ADGRL2: variants seen among roughly 807,000 people sequenced by gnomAD.
ADGRL2 encodes calcium-independent alpha-latrotoxin receptor 2.
Under a neutral mutation model 157.4 loss-of-function variants are expected in ADGRL2, and 44 were observed. That is an observed-to-expected ratio of 0.28 (90% CI 0.22 to 0.36). The LOEUF is 0.36. Ranked by LOEUF, ADGRL2 falls within the 10% of genes least tolerant of loss-of-function variation. The pLI is 1.00. For missense variants in ADGRL2, 1,510 were observed against 1,768.9 expected (o/e 0.85, Z 2.63); for synonymous variants, 585 against 624.7 (o/e 0.94, Z 0.95).
intron 3 of ADGRL2, among the ~76,000 whole-genome samples, chr1:81,631,373 C>T (rs1419361536): frequency 6.6e-6 from 1 of 152,062 alleles, no homozygotes; most frequent in Non-Finnish European, 1.5e-5. Context: ...TGCACAACCA[C>T]ACCCGGTTAA....
At chr1:81,577,383 T>C (rs935900900) in intron 2 of ADGRL2, among the ~76,000 whole-genome samples, 1 of 152,160 alleles carries the variant, frequency 6.6e-6, no homozygotes, top group Non-Finnish European at 1.5e-5. Flanking sequence ...TTTCACGTGG[T>C]TTTCCCACAA....
intron 1 of ADGRL2, among the ~76,000 whole-genome samples, chr1:81,833,894 GT>G (rs941619993): frequency 6.6e-6 from 1 of 152,132 alleles, no homozygotes; most frequent in Non-Finnish European, 1.5e-5. Context: ...ACATGACAGG[GT>G]AATAGGATAC....
At chr1:81,316,424 C>T (rs1660113457) in intron 1 of ADGRL2, among the ~76,000 whole-genome samples, 1 of 152,120 alleles carries the variant, frequency 6.6e-6, no homozygotes, top group African/African-American at 2.4e-5. Context: ...TTGAAAATGA[C>T]CTCCTTTGCT....
intron 3 of ADGRL2, among the ~76,000 whole-genome samples, chr1:81,936,404 A>T (rs142821986): frequency 4.5e-4 from 68 of 151,972 alleles, no homozygotes; most frequent in Admixed American, 3.5e-3. Flanking sequence ...TCCTAGTAAG[A>T]TATTTGTTGT....
chr1:81,697,591 G>T (rs1416922924), upstream of ADGRL2, among the ~76,000 whole-genome samples: 1 of 152,148 alleles, frequency 6.6e-6, no homozygotes, highest in Non-Finnish European at 1.5e-5. Context: ...TAGCCGCTCA[G>T]ATGTCTTTTA....
At chr1:81,923,797 A>G (rs1229256491) in intron 3 of ADGRL2, among the ~76,000 whole-genome samples, 4 of 152,152 alleles carry the variant, frequency 2.6e-5, no homozygotes, top group Non-Finnish European at 5.9e-5. Flanking sequence ...CATACAACAG[A>G]AAGGTGAAAC....
intron 2 of ADGRL2, among the ~76,000 whole-genome samples, chr1:81,853,513 C>CA (rs1261486134): frequency 6.6e-6 from 1 of 151,718 alleles, no homozygotes; most frequent in African/African-American, 2.4e-5. Context: ...CTGGTGACGG[C>CA]AAAAAAGTGG....
At chr1:81,964,180 T>C (rs1194254454) in intron 11 of ADGRL2, among the ~76,000 whole-genome samples, 1 of 152,070 alleles carries the variant, frequency 6.6e-6, no homozygotes, top group African/African-American at 2.4e-5. Flanking sequence ...TAAGTAAATT[T>C]CTGTTTAATG....
intron 1 of ADGRL2, among the ~76,000 whole-genome samples, chr1:81,728,695 A>G (rs1215708002): frequency 6.6e-6 from 1 of 152,042 alleles, no homozygotes; most frequent in Non-Finnish European, 1.5e-5. Context: ...CCTCTCGCCG[A>G]GCATCTGCTT....
intron 1 of ADGRL2, among the ~76,000 whole-genome samples, chr1:81,834,667 A>T (rs531706228): frequency 5.3e-4 from 80 of 152,292 alleles, no homozygotes; most frequent in Admixed American, 9.8e-4. Flanking sequence ...GCGATTGGGC[A>T]CAGGTTGTAG....
chr1:81,907,262 G>T, intron 3 of ADGRL2, 32 bp downstream of exon 3: 3 of 1,558,892 alleles, frequency 1.9e-6, no homozygotes, highest in Non-Finnish European at 2.7e-6. Context: ...TCCCATTTGA[G>T]CTATTGTATC....
intron 17 of ADGRL2, among the ~76,000 whole-genome samples, chr1:81,975,354 C>T (rs774128042): frequency 5.3e-5 from 8 of 151,998 alleles, no homozygotes; most frequent in Non-Finnish European, 8.8e-5. Context: ...AGCCTTTCAA[C>T]CTATGCCAAA....
At chr1:81,856,719 G>T (rs1020637465) in intron 2 of ADGRL2, among the ~76,000 whole-genome samples, 4 of 151,976 alleles carry the variant, frequency 2.6e-5, no homozygotes, top group African/African-American at 9.7e-5. Flanking sequence ...TTAGTTTAAT[G>T]AAGTTACTGC....
At chr1:81,433,146 G>C (rs542959079) in intron 1 of ADGRL2, among the ~76,000 whole-genome samples, 57 of 152,202 alleles carry the variant, frequency 3.7e-4, no homozygotes, top group African/African-American at 1.3e-3. Context: ...TGTATGCCAA[G>C]AAATTTGATT....
At chr1:81,404,339 G>T (rs989386127) in intron 1 of ADGRL2, among the ~76,000 whole-genome samples, 1 of 152,158 alleles carries the variant, frequency 6.6e-6, no homozygotes, top group Non-Finnish European at 1.5e-5. Flanking sequence ...AATTAAATGA[G>T]AATATTTTAC....
chr1:81,557,512 A>AGAAAGAAG (rs2080332664), intron 2 of ADGRL2: 1 of 138,502 alleles, frequency 7.2e-6, no homozygotes, highest in African/African-American at 2.6e-5. Flanking sequence ...AAAGAAAGAA[A>AGAAAGAAG]GAAAGAAAGA....
intron 2 of ADGRL2, among the ~76,000 whole-genome samples, chr1:81,780,575 G>A (rs2086770644): frequency 6.6e-6 from 1 of 152,108 alleles, no homozygotes; most frequent in Non-Finnish European, 1.5e-5. Context: ...CCTTAGGTCA[G>A]TAAGTTTCAT....
rs537612028 is a variant in ADGRL2, at chr1:81,487,108, A to AAAAAAAT, written c.-248+42020_-248+42021insAAAAATA. On this transcript the variant is annotated intron_variant, in intron 2 of 24. Transcript: ENST00000370721. Reference sequence around the variant, plus strand: ...CATCTCTACAAAAAAAAAAAAAAAAAAGAAAGTAAATCAGCCAGGTGTGGT... The same window carrying AAAAAAAT: ...CATCTCTACAAAAAAAAAAAAAAAAAAAAAAATAGAAAGTAAATCAGCCAGGTGTGGT... Among the ~76,000 whole-genome samples the AAAAAAAT allele has an allele frequency of 2.7e-3, 362 of 135,484 alleles. 6 individuals carry two copies. The highest frequency in any genetic ancestry group is 8.1e-3 in the Middle Eastern group (2 of 248). 88.9% of individuals were successfully genotyped at this position (135,484 alleles called of 152,430 possible). A position where few individuals can be genotyped will look rare whatever the true frequency, so the allele number is the denominator to read the frequency against.
chr1:81,365,579 G>A (rs1047452296), intron 1 of ADGRL2, among the ~76,000 whole-genome samples: 2 of 152,048 alleles, frequency 1.3e-5, no homozygotes, highest in African/African-American at 4.8e-5. Context: ...TAAGTGAGAC[G>A]ACAGTTTTGT....
Sources: gnomAD v4.1 joint callset for allele counts (sites outside exome capture counted in the v4.1 genomes callset) on GRCh38, gnomAD v4.1.1 for gene constraint, MANE v1.5 for transcripts, NCBI Gene and HGNC (gene_info 2026-07-23, HGNC 2026-07-21) for gene names.